The following ESCO1 variants were observed in gnomAD, a reference collection of about 807,000 sequenced individuals.
ESCO1 encodes establishment of sister chromatid cohesion N-acetyltransferase 1, also known as N-acetyltransferase ESCO1.
A neutral mutation model predicts 83.5 loss-of-function variants in ESCO1; 33 were observed. The observed-to-expected ratio is 0.40, with a 90% CI of 0.30 to 0.53. ESCO1 has a LOEUF of 0.53. ESCO1 is among the 20% of genes least tolerant of loss of function. The pLI, the probability that ESCO1 is intolerant of heterozygous loss-of-function variation, is 0.63. For synonymous variants in ESCO1, 332 were observed against 324.3 expected (o/e 1.02, Z -0.25); for missense variants, 855 against 968.0 (o/e 0.88, Z 1.55).
At chr18:21,578,854 C>T (rs1343233479) in intron 2 of ESCO1, among the ~76,000 whole-genome samples, 2 of 151,984 alleles carry the variant, frequency 1.3e-5, no homozygotes, top group African/African-American at 4.8e-5. Context: ...TGCACCACCA[C>T]GCCTGGCTAT....
chr18:21,589,651 C>G (rs1175420434), intron 1 of ESCO1, among the ~76,000 whole-genome samples: 1 of 152,146 alleles, frequency 6.6e-6, no homozygotes, highest in Non-Finnish European at 1.5e-5. Context: ...AGAAAGCCAT[C>G]TAAACAGCTG....
chr18:21,570,842 T>C (rs1232045259), intron 4 of ESCO1, among the ~76,000 whole-genome samples: 1 of 152,038 alleles, frequency 6.6e-6, no homozygotes, highest in East Asian at 1.9e-4. Flanking sequence ...CCGGGCGTGG[T>C]GGCAGGCGCC....
intron 7 of ESCO1, among the ~76,000 whole-genome samples, chr18:21,563,919 T>TAAA (rs11453582): frequency 1.4e-5 from 2 of 142,368 alleles, no homozygotes; most frequent in South Asian, 4.5e-4. Flanking sequence ...TGAGCAGGGT[T>TAAA]AAAAAAAAAA....
intron 9 of ESCO1, 140 bp from the exon 10 acceptor site, chr18:21,536,325 C>A: frequency 1.0e-6 from 1 of 973,694 alleles, no homozygotes; most frequent in Admixed American, 2.8e-5. Context: ...TGTGGTGGTT[C>A]ACACCTGTAA....
chr18:21,581,838 C>G (rs1041388055), intron 2 of ESCO1, among the ~76,000 whole-genome samples: 1 of 149,950 alleles, frequency 6.7e-6, no homozygotes, highest in Non-Finnish European at 1.5e-5. Flanking sequence ...GTCAACATAG[C>G]AAGATTCCAT....
At chr18:21,585,201 A>G (rs1192343570) in intron 1 of ESCO1, among the ~76,000 whole-genome samples, 1 of 152,000 alleles carries the variant, frequency 6.6e-6, no homozygotes, top group Non-Finnish European at 1.5e-5. Context: ...TATACCATAT[A>G]ATACAGTTTT....
Position 21,573,948 on chromosome 18 carries a change from T to G in ESCO1, c.896A>C (p.Lys299Thr), listed in dbSNP as rs1217565760. ...ACAGAGCTGGAGAATACTACCTCGT[T>G]TGCTCTTTCCTGCTTGCTCCAGCTC... is the stretch of plus-strand genomic sequence containing the variant. ...DNELEQAGKS[K>T]RGSILQLCEE... Residue 299 changes from lysine to threonine, a missense_variant, in exon 4 of 12, where the codon AAA becomes ACA. Coordinates refer to ENST00000269214, the MANE Select transcript of ESCO1 (RefSeq NM_052911.3). 1 of 1,614,026 alleles carries G rather than the reference T, an allele frequency of 6.2e-7. No individual in the cohort carries two copies.
At chr18:21,534,194 C>T (rs2037802906) in intron 10 of ESCO1, among the ~76,000 whole-genome samples, 1 of 152,200 alleles carries the variant, frequency 6.6e-6, no homozygotes, top group Admixed American at 6.5e-5. Context: ...CAGCTATTAA[C>T]CCACTTATGC....
chr18:21,574,365 C>A lies in ESCO1; in HGVS notation c.479G>T (p.Cys160Phe). ...ATTAGATTTACTCTGAGTACTGCTA[C>A]ACTGCTCTTTTTTAGTTGGTGGCAA... is the stretch of plus-strand genomic sequence containing the variant. ...QSLPPTKKEQ[C>F]SSTQSKSNKT... The change falls in exon 4 of 12, where the codon TGT becomes TTT. Residue 160 changes from cysteine to phenylalanine, a missense_variant. Around this residue, in one of 2 missense-constraint regions of ESCO1, gnomAD observed 726 missense variants for 699.5 expected, o/e 1.04. Coordinates refer to ENST00000269214, the MANE Select transcript of ESCO1 (RefSeq NM_052911.3). 1.2e-6 allele frequency: 2 copies of A among 1,614,034 alleles called. No individual in the cohort carries two copies. The highest frequency in any genetic ancestry group is 1.7e-6 in the Non-Finnish European group (2 of 1,180,022).
chr18:21,558,622 G>A (rs1192158286), intron 8 of ESCO1, among the ~76,000 whole-genome samples: 1 of 151,304 alleles, frequency 6.6e-6, no homozygotes, highest in Non-Finnish European at 1.5e-5. Flanking sequence ...TCAGCTACTT[G>A]GGAGGCTGAC....
chr18:21,537,792 G>C (rs540568563), intron 9 of ESCO1, among the ~76,000 whole-genome samples: 3 of 152,286 alleles, frequency 2.0e-5, no homozygotes, highest in African/African-American at 7.2e-5. Context: ...TGTAGCAAAA[G>C]TTCCCATGTG....
intron 8 of ESCO1, among the ~76,000 whole-genome samples, chr18:21,553,027 C>G (rs2038064088): frequency 6.6e-6 from 1 of 152,080 alleles, no homozygotes; most frequent in South Asian, 2.1e-4. Context: ...TGGTGGCTCC[C>G]ACCTGTAATC....
chr18:21,589,814 A>C (rs2038637367), intron 1 of ESCO1, among the ~76,000 whole-genome samples: 1 of 150,386 alleles, frequency 6.6e-6, no homozygotes, highest in Non-Finnish European at 1.5e-5. Flanking sequence ...CATTCCCACC[A>C]GTCAAATGCA....
At chr18:21,565,640 G>A (rs549832629) in intron 6 of ESCO1, among the ~76,000 whole-genome samples, 1 of 152,290 alleles carries the variant, frequency 6.6e-6, no homozygotes, top group African/African-American at 2.4e-5. Flanking sequence ...GCAGAATTTA[G>A]AAGAATAAGG....
chr18:21,544,926 G>A (rs896343593), intron 8 of ESCO1, among the ~76,000 whole-genome samples: 2 of 152,220 alleles, frequency 1.3e-5, no homozygotes, highest in South Asian at 4.1e-4. Context: ...GACCCGAAGT[G>A]CAGTAAAGTA....
At chr18:21,581,033 C>T (rs1409498444) in intron 2 of ESCO1, among the ~76,000 whole-genome samples, 1 of 151,248 alleles carries the variant, frequency 6.6e-6, no homozygotes, top group African/African-American at 2.4e-5. Context: ...CAGGGTAGGC[C>T]GGGTGCGGAG....
At chr18:21,570,341 C>A (rs2038323394) in intron 4 of ESCO1, among the ~76,000 whole-genome samples, 1 of 152,214 alleles carries the variant, frequency 6.6e-6, no homozygotes, top group Non-Finnish European at 1.5e-5. Flanking sequence ...TCAAGAGATC[C>A]TCCCACCTCA....
rs2037834636 is a variant in ESCO1, at chr18:21,536,170, C to T, written c.2059G>A (p.Glu687Lys). Residue 687 changes from glutamate (E) to lysine (K), a missense_variant, in exon 10 of 12, where the codon GAG (glutamate) becomes AAG (lysine). Coordinates refer to ENST00000269214, the MANE Select transcript of ESCO1 (RefSeq NM_052911.3). ...YALKKVDEIR[E>K]MVDNDLGFQQ... ...AAACCTAAATCATTGTCAACCATCTCTCTAATCTCGTCAACCTGCCAAATA... is the reference window on the plus strand; with the variant it reads ...AAACCTAAATCATTGTCAACCATCTTTCTAATCTCGTCAACCTGCCAAATA... The T allele has an allele frequency of 6.2e-7, 1 of 1,612,256 alleles. No individual in the cohort carries two copies. Among genetic ancestry groups the T allele is most frequent in the Non-Finnish European group, 8.5e-7 (1 of 1,179,494 alleles).
chr18:21,575,224 T>A lies in ESCO1; in HGVS notation c.-381A>T, dbSNP rs1388911485. On this transcript the variant is annotated 5_prime_UTR_variant, in exon 4 of 12. Transcript: ENST00000269214. Reference sequence around the variant, plus strand: ...CTAGCTCTATTACTGGAGGAGTTATTTATCAGTGACCTGTTTTGATAAAAT... The same window carrying A: ...CTAGCTCTATTACTGGAGGAGTTATATATCAGTGACCTGTTTTGATAAAAT... 7.8e-6 allele frequency: 3 copies of A among 384,912 alleles called. No homozygotes were observed. The highest frequency in any genetic ancestry group is 1.4e-5 in the Non-Finnish European group (3 of 218,206). 23.8% of individuals were successfully genotyped at this position (384,912 alleles called of 1,614,324 possible).
Sources: allele counts gnomAD v4.1 joint callset (sites outside exome capture counted in the v4.1 genomes callset), GRCh38; gene constraint gnomAD v4.1.1; regional missense constraint gnomAD v4.1.1; transcripts MANE v1.5; gene names NCBI Gene and HGNC (gene_info 2026-07-23, HGNC 2026-07-21).